Variants in TSHR observed in about 807,000 individuals in gnomAD.
The protein encoded by TSHR is thyrotropin receptor.
A neutral mutation model predicts 64.1 loss-of-function variants in TSHR; 51 were observed. That is an observed-to-expected ratio of 0.80 (90% CI 0.64 to 1.01). TSHR has a LOEUF of 1.01. Ranked by LOEUF, TSHR falls within the 50% of genes least tolerant of loss-of-function variation. TSHR has a pLI of 0.00. For synonymous variants in TSHR, 361 were observed against 361.9 expected, an observed-to-expected ratio of 1.00 and a Z score of 0.03; for missense variants, 877 against 942.8, an observed-to-expected ratio of 0.93 and a Z score of 0.91.
At chr14:81,056,164 C>T (rs1490283554) in intron 1 of TSHR, among the ~76,000 whole-genome samples, 2 of 152,124 alleles carry the variant, frequency 1.3e-5, no homozygotes, top group Non-Finnish European at 2.9e-5. Context: ...CTCTCATTAC[C>T]TGCTGCCATC....
At chr14:80,964,356 A>G (rs1054936936) in intron 1 of TSHR, among the ~76,000 whole-genome samples, 2 of 152,262 alleles carry the variant, frequency 1.3e-5, no homozygotes, top group African/African-American at 2.4e-5. Context: ...ATCACCTCTG[A>G]TGAAGTAGTA....
chr14:80,978,621 G>A (rs541494117), intron 1 of TSHR, among the ~76,000 whole-genome samples: 4 of 152,292 alleles, frequency 2.6e-5, no homozygotes, highest in South Asian at 2.1e-4. Flanking sequence ...TGGGCTTCCC[G>A]GGAAGAGTAG....
intron 3 of TSHR, 47 bp downstream of exon 3, chr14:81,068,375 T>A (rs747633134): frequency 7.0e-6 from 11 of 1,577,268 alleles, no homozygotes; most frequent in Non-Finnish European, 9.6e-6. Context: ...ACAACCACTC[T>A]TGACTGATAA....
At chr14:81,106,533 C>G (rs1242058214) in intron 7 of TSHR, among the ~76,000 whole-genome samples, 2 of 152,030 alleles carry the variant, frequency 1.3e-5, no homozygotes, top group African/African-American at 4.8e-5. Context: ...ATAAAGTAAA[C>G]AAATAAATAA....
intron 3 of TSHR, among the ~76,000 whole-genome samples, chr14:81,072,996 C>CAA (rs1212879309): frequency 6.7e-3 from 50 of 7,468 alleles, no homozygotes; most frequent in East Asian, 0.017. Flanking sequence ...GACTCCGTCT[C>CAA]AAAAAAAAAA....
At chr14:81,106,844 C>G (rs1889924922) in intron 7 of TSHR, among the ~76,000 whole-genome samples, 1 of 150,634 alleles carries the variant, frequency 6.6e-6, no homozygotes, top group African/African-American at 2.4e-5. Flanking sequence ...ACTCAGGAGG[C>G]TGAGGCAGGA....
intron 8 of TSHR, among the ~76,000 whole-genome samples, chr14:81,110,924 G>A (rs928706073): frequency 1.2e-4 from 19 of 152,052 alleles, no homozygotes; most frequent in African/African-American, 4.6e-4. Context: ...AAGCATATTT[G>A]ATAACATTGC....
At chr14:81,062,111 G>A in intron 1 of TSHR, 37 bp from the exon 2 acceptor site, 1 of 1,537,500 alleles carries the variant, frequency 6.5e-7, no homozygotes, top group Non-Finnish European at 9.0e-7. Context: ...AAAGCCCAAT[G>A]ATTAAAACTC....
At chr14:81,061,726 A>C (rs773893731) in intron 1 of TSHR, among the ~76,000 whole-genome samples, 2 of 151,708 alleles carry the variant, frequency 1.3e-5, no homozygotes, top group Non-Finnish European at 2.9e-5. Context: ...TAATCAGTAC[A>C]AAAAAAACCC....
intron 2 of TSHR, among the ~76,000 whole-genome samples, chr14:81,065,159 C>T (rs2139900554): frequency 6.6e-6 from 1 of 152,200 alleles, no homozygotes; most frequent in African/African-American, 2.4e-5. Flanking sequence ...CCAGGTACCA[C>T]CCCACAACAG....
chr14:81,083,710 T>C (rs1296867819), intron 3 of TSHR, among the ~76,000 whole-genome samples: 1 of 152,204 alleles, frequency 6.6e-6, no homozygotes, highest in Non-Finnish European at 1.5e-5. Flanking sequence ...TTTTACCCTT[T>C]AATCTTCTGT....
At chr14:80,956,986 G>A (rs1038070617) in intron 1 of TSHR, among the ~76,000 whole-genome samples, 7 of 152,148 alleles carry the variant, frequency 4.6e-5, no homozygotes, top group Admixed American at 1.3e-4. Context: ...GTCACCTCTA[G>A]AATAAAATTC....
chr14:81,001,602 C>T (rs532816054), intron 1 of TSHR: 16 of 524,806 alleles, frequency 3.0e-5, no homozygotes, highest in Non-Finnish European at 6.1e-5. Flanking sequence ...ACTACCAACT[C>T]CCCCATTGTA....
At chr14:80,958,997 A>G (rs1886868212) in intron 1 of TSHR, among the ~76,000 whole-genome samples, 1 of 152,104 alleles carries the variant, frequency 6.6e-6, no homozygotes, top group East Asian at 1.9e-4. Flanking sequence ...GCCGAGAACA[A>G]CTCTTTCTAA....
intron 1 of TSHR, among the ~76,000 whole-genome samples, chr14:81,000,483 CT>C (rs1473607325): frequency 6.6e-6 from 1 of 152,078 alleles, no homozygotes; most frequent in African/African-American, 2.4e-5. Flanking sequence ...AACTGGGATC[CT>C]TGTGGCCTGA....
At chr14:81,029,247 A>AT (rs201776107) in intron 1 of TSHR, among the ~76,000 whole-genome samples, 3,360 of 152,142 alleles carry the variant, frequency 0.022, 118 homozygotes, top group South Asian at 0.15. Context: ...AGCAATAGGA[A>AT]TCTTCAGGGT....
At chr14:81,058,149 A>G (rs1885961673) in intron 1 of TSHR, among the ~76,000 whole-genome samples, 1 of 152,206 alleles carries the variant, frequency 6.6e-6, no homozygotes, top group East Asian at 1.9e-4. Flanking sequence ...TGCAAGAACC[A>G]AAAAGAGAGT....
At chr14:81,005,418 A>T (rs1485987012) in intron 1 of TSHR, among the ~76,000 whole-genome samples, 2 of 149,300 alleles carry the variant, frequency 1.3e-5, no homozygotes, top group Non-Finnish European at 3.0e-5. Context: ...ATGAATTTTT[A>T]AAATTATAAG....
chr14:81,058,605 A>T (rs951765086), intron 1 of TSHR, among the ~76,000 whole-genome samples: 6 of 152,204 alleles, frequency 3.9e-5, no homozygotes, highest in African/African-American at 1.4e-4. Flanking sequence ...TATCAAAGGC[A>T]AATAAAAAAC....
Sources: allele counts gnomAD v4.1 joint callset (sites outside exome capture counted in the v4.1 genomes callset), GRCh38; gene constraint gnomAD v4.1.1; transcripts MANE v1.5; gene names NCBI Gene and HGNC (gene_info 2026-07-23, HGNC 2026-07-21).